Variants in SCUBE3 observed in about 807,000 individuals in gnomAD.
The protein encoded by SCUBE3 is signal peptide, CUB and EGF-like domain-containing protein 3.
Under a neutral mutation model 116.8 loss-of-function variants are expected in SCUBE3, and 33 were observed. The observed-to-expected ratio is 0.28, with a 90% CI of 0.21 to 0.38. The LOEUF is 0.38. SCUBE3 is among the 10% of genes least tolerant of loss of function. SCUBE3 has a pLI of 1.00. For synonymous variants in SCUBE3, 418 were observed against 496.9 expected, an observed-to-expected ratio of 0.84 and a Z score of 2.11; for missense variants, 1,007 against 1,324.8, an observed-to-expected ratio of 0.76 and a Z score of 3.72.
chr6:35,217,300 C>A (rs1249297813), intron 1 of SCUBE3, among the ~76,000 whole-genome samples: 1 of 133,434 alleles, frequency 7.5e-6, no homozygotes, highest in East Asian at 2.4e-4. Context: ...CTAATCCTCG[C>A]ATAGGGCTCA....
In SCUBE3 at chr6:35,214,279, C is replaced by T; in HGVS notation, c.-140C>T. The T allele has an allele frequency of 2.6e-6, 1 of 378,798 alleles. No homozygotes were observed. The highest frequency in any genetic ancestry group is 4.5e-6 in the Non-Finnish European group (1 of 222,268). The allele number at this position is 378,798 out of a possible 1,614,324, so 23.5% of individuals were successfully genotyped here. ...CGCGCCGAGGGCGCCGCGGTCCGCG[C>T]CCCGCGACTGCAGCCCCCGGCCTGG... On this transcript the variant is annotated 5_prime_UTR_variant, in exon 1 of 22. Transcript: ENST00000274938. This position sits in a 1 kb window ranked among gnomAD's most constrained non-coding sequence, Gnocchi z 6.3.
In SCUBE3 at chr6:35,243,625, C is replaced by G. The variant is rs1377712761; in HGVS notation, c.1941C>G (p.Gly647=). 2 of 1,613,898 alleles carry G rather than the reference C, an allele frequency of 1.2e-6. No homozygotes were observed. The highest frequency in any genetic ancestry group is 2.2e-5 in the South Asian group (2 of 91,066). Residue 647 remains glycine, a synonymous_variant, in exon 16 of 22, where the codon GGC becomes GGG. Coordinates refer to ENST00000274938, the MANE Select transcript of SCUBE3 (RefSeq NM_152753.4). The surrounding 1 kb of genome is among the most constrained non-coding windows in gnomAD (Gnocchi z 6.6). ...GCCCGCAGGGAACGTATTACCACGGCCAGACGGAGCAGTGTGTGCCATGCC... is the reference window on the plus strand; with the variant it reads ...GCCCGCAGGGAACGTATTACCACGGGCAGACGGAGCAGTGTGTGCCATGCC... ...VSCPQGTYYH[G]QTEQCVPCPA...
chr6:35,221,859 A>T (rs9394283), intron 1 of SCUBE3: 102,885 of 152,172 alleles, frequency 0.68, 37,883 homozygotes, highest in Non-Finnish European at 0.82. Context: ...AGTAAGTCTT[A>T]GGAGTCAAGA....
chr6:35,214,347 G>A lies in SCUBE3; in HGVS notation c.-72G>A. ...CTCCCCTCCCCCTCCTGCGAGCTGG[G>A]ATCCGGCCGGCTTCCGCCCTCCCCT... On this transcript the variant is annotated 5_prime_UTR_variant, in exon 1 of 22. Transcript: ENST00000274938. This position sits in a 1 kb window ranked among gnomAD's most constrained non-coding sequence, Gnocchi z 6.3. The A allele has an allele frequency of 1.0e-6, 1 of 1,000,642 alleles. No individual in the cohort carries two copies. The highest frequency in any genetic ancestry group is 2.5e-5 in the South Asian group (1 of 40,124). The allele number at this position is 1,000,642 out of a possible 1,614,324, so 62.0% of individuals were successfully genotyped here. A position where few individuals can be genotyped will look rare whatever the true frequency, so the allele number is the denominator to read the frequency against.
rs780058745 is a variant in SCUBE3, at chr6:35,244,563, C to G, written c.2240-87C>G. ...TTGATGTATCTGATCTCCTGATTCT[C>G]CAGGATGAATGTATCCTGTCCATCC... On this transcript the variant is annotated intron_variant, in intron 17 of 21. Transcript: ENST00000274938. This position sits in a 1 kb window ranked among gnomAD's most constrained non-coding sequence, Gnocchi z 4.3. The G allele has an allele frequency of 9.8e-5, 103 of 1,046,368 alleles. No homozygotes were observed. Among genetic ancestry groups the G allele is most frequent in the Non-Finnish European group, 1.3e-4 (91 of 689,680 alleles). The allele number at this position is 1,046,368 out of a possible 1,614,324, so 64.8% of individuals were successfully genotyped here.
Position 35,240,007 on chromosome 6 carries a change from A to T in SCUBE3, c.952+133A>T. 1.4e-6 allele frequency: 1 copy of T among 732,904 alleles called. No individual in the cohort carries two copies. Among genetic ancestry groups the T allele is most frequent in the South Asian group, 2.3e-5 (1 of 43,960 alleles). The allele number at this position is 732,904 out of a possible 1,614,324, so 45.4% of individuals were successfully genotyped here. A position where few individuals can be genotyped will look rare whatever the true frequency, so the allele number is the denominator to read the frequency against. On this transcript the variant is annotated intron_variant, in intron 8 of 21. Transcript: ENST00000274938. The surrounding 1 kb of genome is among the most constrained non-coding windows in gnomAD (Gnocchi z 4.6). Reference sequence around the variant, plus strand: ...GTCTCTAGAGGCAGTGTCATCCTGCAAATTAGCAAATGGTACTCTTTCCCC... The same window carrying T: ...GTCTCTAGAGGCAGTGTCATCCTGCTAATTAGCAAATGGTACTCTTTCCCC...
In SCUBE3 at chr6:35,231,912, C is replaced by G; in HGVS notation, c.469+53C>G. ...TCCCTGCCCTCCCCAGGCTTCTCTT[C>G]CCAGCTGTCCCTCAGCAGCCCCTAA... On this transcript the variant is annotated intron_variant, in intron 4 of 21. Transcript: ENST00000274938. This position sits in a 1 kb window ranked among gnomAD's most constrained non-coding sequence, Gnocchi z 4.2. 6.6e-7 allele frequency: 1 copy of G among 1,512,420 alleles called. No homozygotes were observed. Among genetic ancestry groups the G allele is most frequent in the Non-Finnish European group, 9.0e-7 (1 of 1,105,590 alleles). 93.7% of individuals were successfully genotyped at this position (1,512,420 alleles called of 1,614,324 possible).
At chr6:35,227,558 G>A in intron 1 of SCUBE3, 22 bp from the exon 2 acceptor site, 1 of 1,614,002 alleles carries the variant, frequency 6.2e-7, no homozygotes, top group Non-Finnish European at 8.5e-7. Context: ...AGGTTCTCAT[G>A]TGCCCCCTCT....
At chr6:35,242,906 G>C in intron 14 of SCUBE3, 115 bp from the exon 15 acceptor site, 1 of 1,498,066 alleles carries the variant, frequency 6.7e-7, no homozygotes, top group Non-Finnish European at 9.3e-7. Context: ...CTGGTGCCAA[G>C]CCTAAAAGCT....
intron 1 of SCUBE3, among the ~76,000 whole-genome samples, chr6:35,218,989 G>A (rs781729067): frequency 4.6e-5 from 7 of 152,158 alleles, no homozygotes; most frequent in Non-Finnish European, 1.0e-4. Context: ...ACATCTCACT[G>A]AAATCCTTCC....
rs1782795265 is a variant in SCUBE3, at chr6:35,214,313, G to A, written c.-106G>A. The A allele has an allele frequency of 1.0e-5, 6 of 583,228 alleles. No homozygotes were observed. Among genetic ancestry groups the A allele is most frequent in the Non-Finnish European group, 1.5e-5 (6 of 396,122 alleles). 36.1% of individuals were successfully genotyped at this position (583,228 alleles called of 1,614,324 possible). On this transcript the variant is annotated 5_prime_UTR_variant, in exon 1 of 22. Transcript: ENST00000274938. The surrounding 1 kb of genome is among the most constrained non-coding windows in gnomAD (Gnocchi z 6.3). ...TGCAGCCCCCGGCCTGGCCCCGGCGGGGCGCCCCCTCCCCTCCCCCTCCTG... is the reference window on the plus strand; with the variant it reads ...TGCAGCCCCCGGCCTGGCCCCGGCGAGGCGCCCCCTCCCCTCCCCCTCCTG...
At chr6:35,221,031 A>T (rs1783102333) in intron 1 of SCUBE3, 1 of 152,156 alleles carries the variant, frequency 6.6e-6, no homozygotes, top group South Asian at 2.1e-4. Flanking sequence ...ATGTGGGTAC[A>T]TGTGCACATG....
At chr6:35,238,763 T>C (rs1269126123) in intron 7 of SCUBE3, among the ~76,000 whole-genome samples, 1 of 151,834 alleles carries the variant, frequency 6.6e-6, no homozygotes, top group African/African-American at 2.4e-5. Context: ...GGGGAAAGGG[T>C]GGAGGAAAAA....
At position 35,214,542 on chromosome 6, in the gene SCUBE3, G is replaced by C; in HGVS notation, c.85+39G>C. The C allele has an allele frequency of 7.5e-7, 1 of 1,339,918 alleles. No individual in the cohort carries two copies. The highest frequency in any genetic ancestry group is 3.1e-5 in the East Asian group (1 of 32,578). 83.0% of individuals were successfully genotyped at this position (1,339,918 alleles called of 1,614,324 possible). ...GGCGCGCGGCCTGGGGGCTGTCCTG[G>C]CTGCTGGGCCTCAGGGCCTAGGAGC... On this transcript the variant is annotated intron_variant, in intron 1 of 21. Coordinates refer to ENST00000274938, the MANE Select transcript of SCUBE3 (RefSeq NM_152753.4). This position sits in a 1 kb window ranked among gnomAD's most constrained non-coding sequence, Gnocchi z 6.3.
chr6:35,229,945 A>G (rs1338655585), intron 3 of SCUBE3, among the ~76,000 whole-genome samples: 1 of 152,210 alleles, frequency 6.6e-6, no homozygotes, highest in African/African-American at 2.4e-5. Context: ...TCACCCACCA[A>G]TTGACCAAAT....
intron 1 of SCUBE3, among the ~76,000 whole-genome samples, chr6:35,225,619 GGGTAGAAT>G (rs1783293372): frequency 6.6e-6 from 1 of 152,180 alleles, no homozygotes; most frequent in African/African-American, 2.4e-5. Context: ...AGGAGTTGAA[GGGTAGAAT>G]GAAGAGCTGA....
chr6:35,242,150 C>A, intron 12 of SCUBE3, 54 bp from the exon 13 acceptor site: 1 of 1,328,416 alleles, frequency 7.5e-7, no homozygotes, highest in Non-Finnish European at 1.1e-6. Context: ...CCCTACGGCA[C>A]CCCCGACCTC....
intron 6 of SCUBE3, among the ~76,000 whole-genome samples, chr6:35,237,575 C>T (rs891262457): frequency 6.6e-6 from 1 of 152,178 alleles, no homozygotes; most frequent in Non-Finnish European, 1.5e-5. Flanking sequence ...CCATCCCTCC[C>T]TACTGCCCCC....
chr6:35,238,035 G>A lies in SCUBE3; in HGVS notation c.829+17G>A. On this transcript the variant is annotated intron_variant, in intron 7 of 21. Coordinates refer to ENST00000274938, the MANE Select transcript of SCUBE3 (RefSeq NM_152753.4). ...CGTGCAAAGGTAAGGACTTTGAGAG[G>A]ACAGAAGCAGAGTGACCTTTGGTAA... 6.8e-7 allele frequency: 1 copy of A among 1,470,846 alleles called. No individual in the cohort carries two copies. Among genetic ancestry groups the A allele is most frequent in the Non-Finnish European group, 9.5e-7 (1 of 1,052,824 alleles). The allele number at this position is 1,470,846 out of a possible 1,614,324, so 91.1% of individuals were successfully genotyped here. A position where few individuals can be genotyped will look rare whatever the true frequency, so the allele number is the denominator to read the frequency against.
Sources: allele counts gnomAD v4.1 joint callset (sites outside exome capture counted in the v4.1 genomes callset), GRCh38; gene constraint gnomAD v4.1.1; non-coding constraint Gnocchi (gnomAD v3.1); transcripts MANE v1.5; gene names NCBI Gene and HGNC (gene_info 2026-07-23, HGNC 2026-07-21).